Variants in SH3TC2 observed in about 807,000 individuals in gnomAD.
The protein encoded by SH3TC2 is SH3 domain and tetratricopeptide repeats 2.
In SH3TC2, 87 loss-of-function variants were observed where a neutral mutation model predicts 124.5. That is an observed-to-expected ratio of 0.70 (90% CI 0.59 to 0.84). The LOEUF (loss-of-function observed/expected upper bound fraction) is 0.84. Ranked by LOEUF, SH3TC2 falls within the 40% of genes least tolerant of loss-of-function variation. The pLI is 0.00. For missense variants in SH3TC2, 1,536 were observed against 1,566.4 expected (o/e 0.98, Z 0.33); for synonymous variants, 634 against 628.5 (o/e 1.01, Z -0.13).
chr5:149,027,434 C>T lies in SH3TC2; in HGVS notation c.2298G>A (p.Val766=), dbSNP rs2127397228. Residue 766 remains valine, a synonymous_variant, in exon 11 of 17, where the codon GTG becomes GTA. Coordinates refer to ENST00000515425, the MANE Select transcript of SH3TC2 (RefSeq NM_024577.4). The part of the protein sequence containing the change: ...QRALCLILSK[V]YLEHRSPDGA... ...CGTCAGGAGACCTGTGCTCGAGGTA[C>T]ACTTTGGAAAGGATGAGACACAGGG... The T allele has an allele frequency of 6.2e-7, 1 of 1,614,144 alleles. No homozygotes were observed.
chr5:149,012,922 T>C (rs187450002), intron 12 of SH3TC2, among the ~76,000 whole-genome samples, 188 bp from the exon 13 acceptor site: 1 of 152,298 alleles, frequency 6.6e-6, no homozygotes, highest in African/African-American at 2.4e-5. Context: ...AGGATCCTTC[T>C]GTGCCTTGGT....
intron 15 of SH3TC2, 137 bp downstream of exon 15, chr5:149,008,714 A>G (rs1353798367): frequency 8.1e-7 from 1 of 1,237,054 alleles, no homozygotes. Context: ...TTGCTTAACT[A>G]AGGTCTCTCT....
intron 3 of SH3TC2, chr5:149,047,502 TA>T (rs956058465): frequency 4.2e-4 from 130 of 310,016 alleles, no homozygotes; most frequent in South Asian, 9.8e-4. Context: ...TGTATCACAG[TA>T]AAAAAAAAGA....
chr5:149,028,607 C>CCTT lies in SH3TC2; in HGVS notation c.1178-54_1178-53insAAG, dbSNP rs748073969. 4 of 1,614,026 alleles carry CCTT rather than the reference C, an allele frequency of 2.5e-6. No individual in the cohort carries two copies. In the South Asian group the frequency reaches 4.4e-5, roughly 18 times the overall value. ...CTTGGGCACCTGCACCTAAGGTGGC[C>CCTT]GCTCTTGGCAAGAGGACAGAAGTGC... On this transcript the variant is annotated intron_variant, in intron 10 of 16. Coordinates refer to ENST00000515425, the MANE Select transcript of SH3TC2 (RefSeq NM_024577.4).
At chr5:149,024,018 A>G (rs917913966) in intron 12 of SH3TC2, among the ~76,000 whole-genome samples, 2 of 152,152 alleles carry the variant, frequency 1.3e-5, no homozygotes, top group Non-Finnish European at 2.9e-5. Context: ...GGCTAATACT[A>G]TATAGGCCAG....
intron 16 of SH3TC2, chr5:149,006,259 A>C (rs1455440604): frequency 2.5e-5 from 4 of 162,566 alleles, no homozygotes; most frequent in Non-Finnish European, 5.4e-5. Context: ...ACCCTGTCCC[A>C]AAAAAAAAGC....
At position 148,985,960 on chromosome 5, in the gene SH3TC2, T is replaced by C. The variant is rs1165349803; in HGVS notation, c.*18751A>G. Among the ~76,000 whole-genome samples the C allele has an allele frequency of 6.6e-6, 1 of 152,192 alleles. No homozygotes were observed. The highest frequency in any genetic ancestry group is 2.4e-5 in the African/African-American group (1 of 41,458). ...GTAACCTATAGATACCACTCGATCA[T>C]TTTTCTGACATGAGACTTACAGAGT... is the stretch of plus-strand genomic sequence containing the variant. On this transcript the variant is annotated 3_prime_UTR_variant, in exon 17 of 17. Coordinates refer to ENST00000515425, the MANE Select transcript of SH3TC2 (RefSeq NM_024577.4).
chr5:149,047,868 C>T lies in SH3TC2; in HGVS notation c.273G>A (p.Leu91=), dbSNP rs1464943164. The T allele has an allele frequency of 1.9e-6, 3 of 1,614,112 alleles. No homozygotes were observed. Among genetic ancestry groups the T allele is most frequent in the Non-Finnish European group, 2.5e-6 (3 of 1,179,994 alleles). ...LENEDQEVRM[L]FKDLSARLVS... ...CTGTTTCCTTCATGCTCACCTTAAA[C>T]AGCATGCGCACCTCCTGGTCCTCAT... is the stretch of plus-strand genomic sequence containing the variant. Residue 91 remains leucine (L), a synonymous_variant, in exon 3 of 17, where the codon CTG becomes CTA. Coordinates refer to ENST00000515425, the MANE Select transcript of SH3TC2 (RefSeq NM_024577.4).
At chr5:149,053,791 T>C (rs1211400206) in intron 1 of SH3TC2, among the ~76,000 whole-genome samples, 1 of 152,110 alleles carries the variant, frequency 6.6e-6, no homozygotes, top group Non-Finnish European at 1.5e-5. Context: ...TTGAATCATC[T>C]AGGTTGCCTT....
intron 3 of SH3TC2, chr5:149,045,426 G>A (rs1255541735): frequency 6.6e-6 from 1 of 152,134 alleles, no homozygotes; most frequent in Non-Finnish European, 1.5e-5. Flanking sequence ...ATCCTAAATG[G>A]TACTGTGATA....
Position 148,985,315 on chromosome 5 carries a change from T to C in SH3TC2, c.*19396A>G, listed in dbSNP as rs1474329468. Among the ~76,000 whole-genome samples the C allele has an allele frequency of 2.6e-5, 4 of 152,190 alleles. No individual in the cohort carries two copies. Among genetic ancestry groups the C allele is most frequent in the Non-Finnish European group, 4.4e-5 (3 of 68,020 alleles). On this transcript the variant is annotated 3_prime_UTR_variant, in exon 17 of 17. Coordinates refer to ENST00000515425, the MANE Select transcript of SH3TC2 (RefSeq NM_024577.4). ...GTTTTGGCAAATGCATTCAATGCCATCACTACTACAATCAAGATATAGAAC... is the reference window on the plus strand; with the variant it reads ...GTTTTGGCAAATGCATTCAATGCCACCACTACTACAATCAAGATATAGAAC...
Position 149,023,948 on chromosome 5 carries a change from A to G in SH3TC2, c.3053+2624T>C, listed in dbSNP as rs115512324. On this transcript the variant is annotated intron_variant, in intron 12 of 16. Coordinates refer to ENST00000515425, the MANE Select transcript of SH3TC2 (RefSeq NM_024577.4). The stretch of plus-strand genomic sequence containing the variant: ...CAAATCTCTGATATTCTACTTCACT[A>G]TATGTAATTTGGTTCTTTATCAGAG... Among the ~76,000 whole-genome samples, 581 of 152,246 alleles carry G rather than the reference A, an allele frequency of 3.8e-3. 5 individuals carry two copies. Among genetic ancestry groups the G allele is most frequent in the African/African-American group, 0.013 (558 of 41,540 alleles).
rs1753265809 is a variant in SH3TC2, at chr5:148,982,453, A to C, written c.*22258T>G. ...ACATGTGTATAAAGTTATTGATTGC[A>C]GCATTGTTTACAGTAGCACAGTATC... On this transcript the variant is annotated 3_prime_UTR_variant, in exon 17 of 17. Transcript: ENST00000515425. 6.6e-6 allele frequency among the ~76,000 whole-genome samples: 1 copy of C among 152,254 alleles called. No homozygotes were observed. Among genetic ancestry groups the C allele is most frequent in the African/African-American group, 2.4e-5 (1 of 41,472 alleles).
At chr5:149,057,616 T>C (rs1754673050) in intron 1 of SH3TC2, 2 of 152,140 alleles carry the variant, frequency 1.3e-5, no homozygotes, top group African/African-American at 2.4e-5. Flanking sequence ...GCTAATCTTC[T>C]CTGTATCCTT....
chr5:149,046,080 C>A, intron 3 of SH3TC2: 1 of 266,078 alleles, frequency 3.8e-6, no homozygotes, highest in Non-Finnish European at 7.7e-6. Context: ...CTCCACCAGG[C>A]CAGGTCCTGT....
At chr5:149,021,592 T>C (rs1198174428) in intron 12 of SH3TC2, among the ~76,000 whole-genome samples, 1 of 151,746 alleles carries the variant, frequency 6.6e-6, no homozygotes, top group Admixed American at 6.6e-5. Context: ...ATCAACTTTA[T>C]AGAAATTATA....
chr5:149,005,105 T>A (rs1753664828), intron 16 of SH3TC2, among the ~76,000 whole-genome samples: 1 of 152,160 alleles, frequency 6.6e-6, no homozygotes, highest in Non-Finnish European at 1.5e-5. Context: ...CTAATCACAG[T>A]GCCCTGCACT....
intron 9 of SH3TC2, among the ~76,000 whole-genome samples, chr5:149,031,146 A>C (rs1754185205): frequency 6.6e-6 from 1 of 152,156 alleles, no homozygotes; most frequent in Non-Finnish European, 1.5e-5. Flanking sequence ...CCAATCTGTA[A>C]TGTGAGACAA....
At chr5:149,041,878 G>C (rs1272046895) in intron 5 of SH3TC2, among the ~76,000 whole-genome samples, 1 of 151,938 alleles carries the variant, frequency 6.6e-6, no homozygotes, top group Non-Finnish European at 1.5e-5. Context: ...GCTTAATTGG[G>C]ACTTTATCTT....
Sources: gnomAD v4.1 joint callset for allele counts (sites outside exome capture counted in the v4.1 genomes callset) on GRCh38, gnomAD v4.1.1 for gene constraint, MANE v1.5 for transcripts, NCBI Gene and HGNC (gene_info 2026-07-23, HGNC 2026-07-21) for gene names.